SORBS2: variants seen among roughly 807,000 people sequenced by gnomAD.
The protein encoded by SORBS2 is sorbin and SH3 domain containing 2, also known as sorbin and SH3 domain-containing protein 2.
SORBS2 carries 46 observed loss-of-function variants against 97.7 expected under a neutral mutation model. The ratio of observed to expected loss-of-function variants is 0.47; its 90% CI spans 0.37 to 0.60. The LOEUF is 0.60. Ranked by LOEUF, SORBS2 falls within the 20% of genes least tolerant of loss-of-function variation. The pLI is 0.00. For synonymous variants in SORBS2, 476 were observed against 473.4 expected, an observed-to-expected ratio of 1.01 and a Z score of -0.07; for missense variants, 1,316 against 1,282.3, an observed-to-expected ratio of 1.03 and a Z score of -0.40.
intron 1 of SORBS2, among the ~76,000 whole-genome samples, chr4:185,782,617 C>A (rs868241971): frequency 4.6e-5 from 7 of 152,228 alleles, no homozygotes; most frequent in Non-Finnish European, 1.0e-4. Context: ...ATCAACCATG[C>A]CACCTGGTCA....
In SORBS2 at chr4:185,756,865, C is replaced by T. The variant is rs2098834610; in HGVS notation, c.-198+18362G>A. On this transcript the variant is annotated intron_variant, in intron 2 of 20. Transcript: ENST00000284776. Reference sequence around the variant, plus strand: ...ACGTCTAATCAGTCACCTAAGATATCGAGTGGCAAGTCTTTCACATTTGCT... The same window carrying T: ...ACGTCTAATCAGTCACCTAAGATATTGAGTGGCAAGTCTTTCACATTTGCT... 2.6e-5 allele frequency among the ~76,000 whole-genome samples: 4 copies of T among 151,940 alleles called. 1 individual carries two copies. Among genetic ancestry groups the T allele is most frequent in the Admixed American group, 2.0e-4 (3 of 15,246 alleles).
intron 2 of SORBS2, among the ~76,000 whole-genome samples, chr4:185,736,044 G>C (rs1485874492): frequency 1.3e-5 from 2 of 152,140 alleles, no homozygotes; most frequent in Non-Finnish European, 2.9e-5. Flanking sequence ...GTGGACAGGT[G>C]CCAAGTCACC....
intron 2 of SORBS2, among the ~76,000 whole-genome samples, chr4:185,650,945 T>G (rs1384763725): frequency 6.6e-6 from 1 of 152,092 alleles, no homozygotes; most frequent in Non-Finnish European, 1.5e-5. Context: ...AGGGCCTGAA[T>G]GTGGTCTCCA....
At chr4:185,859,547 C>T (rs977759462) in intron 1 of SORBS2, among the ~76,000 whole-genome samples, 1 of 152,136 alleles carries the variant, frequency 6.6e-6, no homozygotes, top group African/African-American at 2.4e-5. Context: ...ATTCCTGACT[C>T]CCTCATTCTC....
In SORBS2 at chr4:185,618,566, G is replaced by C; in HGVS notation, c.2351+19C>G. 7.2e-7 allele frequency: 1 copy of C among 1,386,638 alleles called. No individual in the cohort carries two copies. Among genetic ancestry groups the C allele is most frequent in the Non-Finnish European group, 9.9e-7 (1 of 1,012,486 alleles). 85.9% of individuals were successfully genotyped at this position (1,386,638 alleles called of 1,614,324 possible). ...TTAAAACCACCTTAAATCATATGAT[G>C]AGTATTTATCTTACTTACTTAGATG... On this transcript the variant is annotated intron_variant, in intron 9 of 14. Coordinates refer to ENST00000418609, the Ensembl canonical transcript of SORBS2.
intron 1 of SORBS2, among the ~76,000 whole-genome samples, chr4:185,837,211 A>T (rs2099208564): frequency 6.6e-6 from 1 of 152,202 alleles, no homozygotes; most frequent in Admixed American, 6.5e-5. Flanking sequence ...ATGGATTTTT[A>T]AATTTTACAT....
At chr4:185,609,806 AG>A (rs1256738862) in intron 12 of SORBS2, among the ~76,000 whole-genome samples, 9 of 152,222 alleles carry the variant, frequency 5.9e-5, no homozygotes, top group African/African-American at 2.2e-4. Context: ...TGTAGCGTTT[AG>A]TATATTTTGG....
intron 12 of SORBS2, among the ~76,000 whole-genome samples, chr4:185,605,136 C>T (rs1218664544): frequency 1.3e-5 from 2 of 152,114 alleles, no homozygotes; most frequent in East Asian, 3.9e-4. Flanking sequence ...GCAGGCCTGG[C>T]CGGGTTATTT....
At chr4:185,891,730 G>A (rs139180509) in intron 1 of SORBS2, among the ~76,000 whole-genome samples, 4 of 152,234 alleles carry the variant, frequency 2.6e-5, no homozygotes, top group African/African-American at 4.8e-5. Flanking sequence ...TATCTCCTAC[G>A]TGCTGTGGCC....
intron 2 of SORBS2, among the ~76,000 whole-genome samples, chr4:185,681,613 C>T (rs1223161493): frequency 6.6e-6 from 1 of 152,106 alleles, no homozygotes; most frequent in Non-Finnish European, 1.5e-5. Context: ...GTAAGTTTTC[C>T]CCTTTCCTGG....
intron 1 of SORBS2, among the ~76,000 whole-genome samples, chr4:185,859,917 C>T (rs969259086): frequency 7.9e-5 from 12 of 152,174 alleles, no homozygotes; most frequent in African/African-American, 2.9e-4. Context: ...GTGAGTCATG[C>T]AGAGAGATGA....
chr4:185,738,933 G>A (rs997689645), intron 2 of SORBS2, among the ~76,000 whole-genome samples: 1 of 152,242 alleles, frequency 6.6e-6, no homozygotes, highest in Non-Finnish European at 1.5e-5. Flanking sequence ...TGATACCAGT[G>A]CAAGGGGACC....
At chr4:185,852,958 G>T (rs575815502) in intron 1 of SORBS2, among the ~76,000 whole-genome samples, 1 of 152,290 alleles carries the variant, frequency 6.6e-6, no homozygotes, top group African/African-American at 2.4e-5. Flanking sequence ...CTGCCACCCT[G>T]CAGGGGTCCT....
intron 1 of SORBS2, among the ~76,000 whole-genome samples, chr4:185,888,296 A>G (rs1190870514): frequency 6.6e-6 from 1 of 152,122 alleles, no homozygotes; most frequent in Non-Finnish European, 1.5e-5. Flanking sequence ...TCTAAATGCA[A>G]TCACATGTGT....
chr4:185,764,352 A>G (rs973204534), intron 2 of SORBS2, among the ~76,000 whole-genome samples: 10 of 152,262 alleles, frequency 6.6e-5, no homozygotes, highest in African/African-American at 2.4e-4. Flanking sequence ...AAATTTTCAT[A>G]AAACATAATG....
rs745321801 is a variant in SORBS2, at chr4:185,614,975, T to A, written c.2467-16A>T. The A allele has an allele frequency of 2.5e-6, 4 of 1,614,002 alleles. No individual in the cohort carries two copies. The highest frequency in any genetic ancestry group is 3.4e-6 in the Non-Finnish European group (4 of 1,180,018). ...GTGTGAGTTTCTATGAAGGAAATAGTCATTTATTCTCAAATCTGCGGTGAC... is the reference window on the plus strand; with the variant it reads ...GTGTGAGTTTCTATGAAGGAAATAGACATTTATTCTCAAATCTGCGGTGAC... On this transcript the variant is annotated splice_polypyrimidine_tract_variant and intron_variant, in intron 10 of 14. Transcript: ENST00000418609.
intron 2 of SORBS2, among the ~76,000 whole-genome samples, chr4:185,730,465 T>C (rs2098609035): frequency 6.6e-6 from 1 of 152,216 alleles, no homozygotes; most frequent in African/African-American, 2.4e-5. Context: ...TGTGCAGCAC[T>C]GAGCTGGGGC....
At chr4:185,851,812 G>C (rs2099218019) in intron 1 of SORBS2, among the ~76,000 whole-genome samples, 1 of 152,136 alleles carries the variant, frequency 6.6e-6, no homozygotes. Context: ...TCGAACATCA[G>C]ACTCCAAGTC....
chr4:185,758,627 CA>C (rs1267637506), intron 2 of SORBS2, among the ~76,000 whole-genome samples: 2 of 152,308 alleles, frequency 1.3e-5, no homozygotes, highest in East Asian at 1.9e-4. Context: ...CTGGCCGTTG[CA>C]ATAGCTTCCT....
Sources: allele counts gnomAD v4.1 joint callset (sites outside exome capture counted in the v4.1 genomes callset), GRCh38; gene constraint gnomAD v4.1.1; transcripts MANE v1.5; gene names NCBI Gene and HGNC (gene_info 2026-07-23, HGNC 2026-07-21).